The following MEGF11 variants were observed in gnomAD, a reference collection of about 807,000 sequenced individuals.
MEGF11 encodes the protein multiple EGF like domains 11, also known as multiple epidermal growth factor-like domains protein 11.
In MEGF11, 126 loss-of-function variants were observed where a neutral mutation model predicts 146.6. That is an observed-to-expected ratio of 0.86 (90% CI 0.74 to 1.00). MEGF11 has a LOEUF of 1.00. Among genes scored for constraint, MEGF11 ranks in the 50% least tolerant of loss-of-function variants. The pLI, the probability that MEGF11 is intolerant of heterozygous loss-of-function variation, is 0.00. For missense variants in MEGF11, 1,509 were observed against 1,521.2 expected, an observed-to-expected ratio of 0.99 and a Z score of 0.13; for synonymous variants, 532 against 583.4, an observed-to-expected ratio of 0.91 and a Z score of 1.27.
intron 1 of MEGF11, among the ~76,000 whole-genome samples, chr15:66,194,401 G>C (rs574586607): frequency 6.6e-4 from 101 of 152,256 alleles, no homozygotes; most frequent in African/African-American, 2.4e-3. Flanking sequence ...CTGAGGTCAG[G>C]AGTTCAAGAC....
At chr15:66,060,760 G>A (rs1440509526) in intron 5 of MEGF11, among the ~76,000 whole-genome samples, 1 of 152,262 alleles carries the variant, frequency 6.6e-6, no homozygotes, top group African/African-American at 2.4e-5. Context: ...AGCACCTACA[G>A]CACTAAGTGA....
At chr15:66,238,361 C>T (rs899244272) in intron 1 of MEGF11, among the ~76,000 whole-genome samples, 8 of 152,162 alleles carry the variant, frequency 5.3e-5, no homozygotes, top group Non-Finnish European at 1.0e-4. Context: ...CTCAGATGCT[C>T]GAGTAAAAAG....
intron 1 of MEGF11, among the ~76,000 whole-genome samples, chr15:66,179,799 C>A (rs1055273438): frequency 9.9e-5 from 15 of 151,924 alleles, no homozygotes; most frequent in African/African-American, 3.6e-4. Context: ...CTCTGCAAGC[C>A]TGCCCCTGCC....
intron 1 of MEGF11, among the ~76,000 whole-genome samples, chr15:66,207,703 A>G (rs2091337041): frequency 6.6e-6 from 1 of 152,260 alleles, no homozygotes; most frequent in Non-Finnish European, 1.5e-5. Flanking sequence ...ATATGATCTA[A>G]AAGACAATGC....
intron 1 of MEGF11, among the ~76,000 whole-genome samples, chr15:66,246,575 G>A (rs1385785842): frequency 6.6e-6 from 1 of 152,050 alleles, no homozygotes; most frequent in Non-Finnish European, 1.5e-5. Context: ...GGCTGAGGTG[G>A]GTGCATTGCT....
intron 10 of MEGF11, among the ~76,000 whole-genome samples, chr15:65,946,905 C>T (rs2080214927): frequency 6.6e-6 from 1 of 152,212 alleles, no homozygotes; most frequent in African/African-American, 2.4e-5. Flanking sequence ...TCCTCGACAC[C>T]TGTGCCTCAT....
chr15:66,009,237 C>A lies in MEGF11; in HGVS notation c.395-26749G>T, dbSNP rs372858169. ...TAAGTTGGTTAGAGAACACGTTAAC[C>A]TAAGTTTTTTTTTTTTTTTTTTTTT... On this transcript the variant is annotated intron_variant, in intron 5 of 25. Coordinates refer to ENST00000395614, the MANE Select transcript of MEGF11 (RefSeq NM_001385028.1). Among the ~76,000 whole-genome samples the A allele has an allele frequency of 8.1e-3, 1,026 of 127,122 alleles. 13 individuals are homozygous for A. Among genetic ancestry groups the A allele is most frequent in the African/African-American group, 0.029 (977 of 34,104 alleles). The allele number at this position is 127,122 out of a possible 152,430, so 83.4% of individuals were successfully genotyped here.
intron 5 of MEGF11, among the ~76,000 whole-genome samples, chr15:66,077,400 T>C (rs1446912983): frequency 6.6e-6 from 1 of 152,250 alleles, no homozygotes; most frequent in Admixed American, 6.5e-5. Flanking sequence ...TGGCCTCATA[T>C]TGCAATTCTT....
chr15:66,003,925 G>A (rs939414956), intron 5 of MEGF11, among the ~76,000 whole-genome samples: 12 of 152,140 alleles, frequency 7.9e-5, no homozygotes, highest in Admixed American at 3.3e-4. Context: ...CTAGACCTCC[G>A]ACAAGGCAAG....
chr15:65,948,898 C>T (rs73479402), intron 10 of MEGF11, among the ~76,000 whole-genome samples: 83 of 152,220 alleles, frequency 5.5e-4, no homozygotes, highest in East Asian at 5.8e-4. Context: ...CTCCTCTGTT[C>T]GCACAGGCAT....
intron 5 of MEGF11, among the ~76,000 whole-genome samples, chr15:66,078,156 C>G (rs1270399756): frequency 6.6e-6 from 1 of 152,162 alleles, no homozygotes; most frequent in Non-Finnish European, 1.5e-5. Flanking sequence ...GGGCCAGGTA[C>G]TGAACCTCTC....
chr15:65,924,645 T>TTTTG (rs1322615702), intron 13 of MEGF11, among the ~76,000 whole-genome samples: 6 of 149,328 alleles, frequency 4.0e-5, no homozygotes, highest in African/African-American at 9.9e-5. Context: ...TTTTTTTTTT[T>TTTTG]GGAGACAGGG....
At chr15:66,109,211 C>G (rs1378203275) in intron 4 of MEGF11, among the ~76,000 whole-genome samples, 1 of 152,084 alleles carries the variant, frequency 6.6e-6, no homozygotes, top group Non-Finnish European at 1.5e-5. Flanking sequence ...CCCTGCACAC[C>G]CCCCATAACT....
chr15:65,976,005 G>A (rs1160702202), intron 7 of MEGF11, among the ~76,000 whole-genome samples: 2 of 150,792 alleles, frequency 1.3e-5, no homozygotes, highest in Non-Finnish European at 2.9e-5. Context: ...TTTCTCTCCT[G>A]CTGCAATGAG....
At chr15:66,236,785 C>T (rs891732383) in intron 1 of MEGF11, among the ~76,000 whole-genome samples, 15 of 152,126 alleles carry the variant, frequency 9.9e-5, no homozygotes, top group East Asian at 1.9e-4. Context: ...GCTCCTCTGC[C>T]GGTCCTGGTT....
chr15:66,194,259 A>C (rs1044956475), intron 1 of MEGF11, among the ~76,000 whole-genome samples: 1 of 152,180 alleles, frequency 6.6e-6, no homozygotes, highest in African/African-American at 2.4e-5. Flanking sequence ...AAAACCCAAC[A>C]TCATATGTTC....
intron 1 of MEGF11, among the ~76,000 whole-genome samples, chr15:66,205,388 G>C (rs1174170240): frequency 6.6e-6 from 1 of 152,136 alleles, no homozygotes; most frequent in East Asian, 1.9e-4. Flanking sequence ...AGGTTACAAT[G>C]AGCTATAATT....
intron 5 of MEGF11, among the ~76,000 whole-genome samples, chr15:66,093,267 C>T (rs1244916806): frequency 3.3e-5 from 5 of 152,168 alleles, no homozygotes; most frequent in Admixed American, 2.0e-4. Flanking sequence ...ACTGCATAGA[C>T]AGAGAGGCTC....
chr15:66,082,301 T>C (rs4776720), intron 5 of MEGF11, among the ~76,000 whole-genome samples: 145,864 of 151,304 alleles, frequency 0.96, 70,542 homozygotes, highest in East Asian at 1. Flanking sequence ...TGAAATGGGA[T>C]AGTTGGCCAG....
Sources: allele counts gnomAD v4.1 joint callset (sites outside exome capture counted in the v4.1 genomes callset), GRCh38; gene constraint gnomAD v4.1.1; transcripts MANE v1.5; gene names NCBI Gene and HGNC (gene_info 2026-07-23, HGNC 2026-07-21).